The following SNTG1 variants were observed in gnomAD, a reference collection of about 807,000 sequenced individuals.
SNTG1 encodes syntrophin gamma 1.
Under a neutral mutation model 74.7 loss-of-function variants are expected in SNTG1, and 39 were observed. The ratio of observed to expected loss-of-function variants is 0.52; its 90% CI spans 0.40 to 0.68. The LOEUF (loss-of-function observed/expected upper bound fraction) is 0.68. SNTG1 is among the 30% of genes least tolerant of loss of function. SNTG1 has a pLI of 0.00. For synonymous variants in SNTG1, 254 were observed against 217.1 expected, an observed-to-expected ratio of 1.17 and a Z score of -1.49; for missense variants, 685 against 609.5, an observed-to-expected ratio of 1.12 and a Z score of -1.30.
chr8:50,340,642 A>T (rs2091289480), intron 2 of SNTG1, among the ~76,000 whole-genome samples: 1 of 152,030 alleles, frequency 6.6e-6, no homozygotes, highest in African/African-American at 2.4e-5. Context: ...ACATGGCAGA[A>T]TATCTAGATG....
chr8:50,358,204 C>G (rs762478654), intron 2 of SNTG1, among the ~76,000 whole-genome samples: 1 of 152,132 alleles, frequency 6.6e-6, no homozygotes, highest in South Asian at 2.1e-4. Context: ...TGAACTTTAT[C>G]GGAGTGAAAG....
chr8:50,470,823 G>A (rs1422929048), intron 8 of SNTG1, among the ~76,000 whole-genome samples: 5 of 152,138 alleles, frequency 3.3e-5, no homozygotes, highest in African/African-American at 7.2e-5. Flanking sequence ...CAGAATAGAA[G>A]GGGACCCCAG....
At chr8:50,475,158 C>T (rs1384546581) in intron 8 of SNTG1, among the ~76,000 whole-genome samples, 6 of 151,420 alleles carry the variant, frequency 4.0e-5, no homozygotes, top group Middle Eastern at 3.4e-3. Context: ...AGCACACCGA[C>T]GTGGCACATG....
At chr8:50,560,949 A>G (rs1283524581) in intron 12 of SNTG1, among the ~76,000 whole-genome samples, 1 of 152,248 alleles carries the variant, frequency 6.6e-6, no homozygotes, top group Non-Finnish European at 1.5e-5. Flanking sequence ...TAAGTGTTTA[A>G]TAACTAAATG....
chr8:50,465,653 T>C (rs1022556325), intron 8 of SNTG1, among the ~76,000 whole-genome samples: 33 of 152,196 alleles, frequency 2.2e-4, no homozygotes, highest in African/African-American at 7.7e-4. Context: ...ATTTCACTGT[T>C]TCTGTAGTTT....
At chr8:50,407,345 G>A (rs1191518811) in intron 4 of SNTG1, among the ~76,000 whole-genome samples, 1 of 152,144 alleles carries the variant, frequency 6.6e-6, no homozygotes, top group Non-Finnish European at 1.5e-5. Flanking sequence ...ATGCTATTTT[G>A]TTATCTAGAA....
chr8:50,540,515 T>A (rs1358026022), intron 11 of SNTG1, among the ~76,000 whole-genome samples: 2 of 152,168 alleles, frequency 1.3e-5, no homozygotes, highest in Non-Finnish European at 2.9e-5. Context: ...GTCATATGTG[T>A]TCGTTAGAGG....
chr8:50,434,341 A>C (rs534783285), intron 4 of SNTG1, among the ~76,000 whole-genome samples: 1 of 152,208 alleles, frequency 6.6e-6, no homozygotes, highest in Non-Finnish European at 1.5e-5. Flanking sequence ...ATAGTGCCAC[A>C]ATAAATATAC....
In SNTG1 at chr8:50,489,635, T is replaced by C. The variant is rs183388657; in HGVS notation, c.364-13143T>C. 1.8e-3 allele frequency among the ~76,000 whole-genome samples: 277 copies of C among 152,370 alleles called. 4 individuals are homozygous for C. Among genetic ancestry groups the C allele is most frequent in the African/African-American group, 6.3e-3 (262 of 41,594 alleles). On this transcript the variant is annotated intron_variant, in intron 8 of 18. Coordinates refer to ENST00000642720, the MANE Select transcript of SNTG1 (RefSeq NM_018967.5). ...TTTGATGGAGTTGTTTGTTTTTTCT[T>C]GTAAATTTGTTTAAGCTCTTTGTAG... is the stretch of plus-strand genomic sequence containing the variant.
intron 15 of SNTG1, among the ~76,000 whole-genome samples, chr8:50,665,604 A>G (rs923586736): frequency 1.3e-4 from 20 of 152,128 alleles, no homozygotes; most frequent in African/African-American, 4.6e-4. Flanking sequence ...TGTGGCGTAG[A>G]AAGTCAAAGA....
At chr8:50,732,344 G>A (rs1300760975) in intron 17 of SNTG1, among the ~76,000 whole-genome samples, 1 of 151,646 alleles carries the variant, frequency 6.6e-6, no homozygotes, top group Non-Finnish European at 1.5e-5. Flanking sequence ...ATGTCAAGGC[G>A]TGCTACAAAC....
rs138959647 is a variant in SNTG1 at position 50,576,877 on chromosome 8, A to G, written c.811-14002A>G. Among the ~76,000 whole-genome samples the G allele has an allele frequency of 1.1e-3, 175 of 152,300 alleles. 2 individuals are homozygous for G. The highest frequency in any genetic ancestry group is 3.9e-3 in the African/African-American group (164 of 41,590). On this transcript the variant is annotated intron_variant, in intron 12 of 18. Coordinates refer to ENST00000642720, the MANE Select transcript of SNTG1 (RefSeq NM_018967.5). ...TGGATAAAGCTTTAGAATTTTCCACATATGAGATCATATCATCTATGAACA... is the reference window on the plus strand; with the variant it reads ...TGGATAAAGCTTTAGAATTTTCCACGTATGAGATCATATCATCTATGAACA...
chr8:50,019,268 T>C (rs1816612289), intron 1 of SNTG1, among the ~76,000 whole-genome samples: 1 of 152,102 alleles, frequency 6.6e-6, no homozygotes, highest in African/African-American at 2.4e-5. Flanking sequence ...TTCATTGTCT[T>C]TCTGATAGAT....
intron 2 of SNTG1, among the ~76,000 whole-genome samples, chr8:50,341,739 G>A (rs1235757940): frequency 6.6e-6 from 1 of 151,990 alleles, no homozygotes; most frequent in Non-Finnish European, 1.5e-5. Flanking sequence ...ACCATTAGTG[G>A]TGCCAGTTTG....
At chr8:50,495,034 A>G (rs1330326011) in intron 8 of SNTG1, among the ~76,000 whole-genome samples, 5 of 152,268 alleles carry the variant, frequency 3.3e-5, no homozygotes, top group African/African-American at 1.2e-4. Context: ...AAAATCAAAC[A>G]TTATTGCATA....
At chr8:50,702,958 C>T (rs2095431196) in intron 15 of SNTG1, among the ~76,000 whole-genome samples, 2 of 152,008 alleles carry the variant, frequency 1.3e-5, no homozygotes, top group South Asian at 4.1e-4. Context: ...TACACAGATA[C>T]AGGGCACTTA....
rs150007633 is a variant in SNTG1 at position 50,137,542 on chromosome 8, C to T, written c.-102-35019C>T. ...CAGTCACTCATTAAGTAAATGCGTA[C>T]GTAGATAGTATGTTAGAAGGCAATA... is the stretch of plus-strand genomic sequence containing the variant. On this transcript the variant is annotated intron_variant, in intron 1 of 18. Transcript: ENST00000642720. 2.8e-3 allele frequency among the ~76,000 whole-genome samples: 433 copies of T among 152,174 alleles called. 3 individuals carry two copies. Among genetic ancestry groups the T allele is most frequent in the African/African-American group, 1.0e-2 (414 of 41,514 alleles).
intron 12 of SNTG1, among the ~76,000 whole-genome samples, chr8:50,554,343 G>A (rs542205654): frequency 2.0e-5 from 3 of 152,036 alleles, no homozygotes; most frequent in East Asian, 1.9e-4. Flanking sequence ...AATTGGCTGT[G>A]CAATTTACCC....
chr8:50,155,227 A>C (rs1436694580), intron 1 of SNTG1, among the ~76,000 whole-genome samples: 1 of 152,222 alleles, frequency 6.6e-6, no homozygotes, highest in Admixed American at 6.5e-5. Context: ...AAATACACAG[A>C]GAGATCATAA....
Sources: gnomAD v4.1 joint callset for allele counts (sites outside exome capture counted in the v4.1 genomes callset) on GRCh38, gnomAD v4.1.1 for gene constraint, MANE v1.5 for transcripts, NCBI Gene and HGNC (gene_info 2026-07-23, HGNC 2026-07-21) for gene names.